SPTLC3: variants seen among roughly 807,000 people sequenced by gnomAD.
SPTLC3 encodes serine palmitoyltransferase long chain base subunit 3, also known as serine palmitoyltransferase 3.
In SPTLC3, 36 loss-of-function variants were observed where a neutral mutation model predicts 59.3. That is an observed-to-expected ratio of 0.61 (90% CI 0.47 to 0.80). The LOEUF is 0.80. SPTLC3 is among the 30% of genes least tolerant of loss of function. SPTLC3 has a pLI of 0.00. For missense variants in SPTLC3, 625 were observed against 685.1 expected (o/e 0.91, Z 0.98); for synonymous variants, 257 against 240.8 (o/e 1.07, Z -0.62).
intron 1 of SPTLC3, among the ~76,000 whole-genome samples, chr20:13,040,550 G>C (rs1986934622): frequency 6.6e-6 from 1 of 152,132 alleles, no homozygotes; most frequent in Non-Finnish European, 1.5e-5. Flanking sequence ...AGTAGAGACA[G>C]GGTTTCACCA....
chr20:13,086,759 C>T (rs1989018213), intron 4 of SPTLC3, among the ~76,000 whole-genome samples: 1 of 152,032 alleles, frequency 6.6e-6, no homozygotes, highest in Non-Finnish European at 1.5e-5. Context: ...TTTCTTCTCT[C>T]TTCCCTTGTT....
At chr20:13,074,318 A>T (rs1306239817) in intron 3 of SPTLC3, 31 bp from the exon 4 acceptor site, 1 of 1,610,138 alleles carries the variant, frequency 6.2e-7, no homozygotes, top group African/African-American at 1.3e-5. Flanking sequence ...TGGGGAGGGG[A>T]TTATGTGCTC....
intron 9 of SPTLC3, among the ~76,000 whole-genome samples, chr20:13,153,619 G>A (rs574468953): frequency 1.3e-5 from 2 of 152,260 alleles, no homozygotes; most frequent in Non-Finnish European, 1.5e-5. Flanking sequence ...CTGCTATGAA[G>A]TGTGGGGGGT....
In SPTLC3 at chr20:13,075,715, C is replaced by A. The variant is rs147989789; in HGVS notation, c.607+1218C>A. On this transcript the variant is annotated intron_variant, in intron 4 of 11. Coordinates refer to ENST00000399002, the MANE Select transcript of SPTLC3 (RefSeq NM_018327.4). ...AGATGGGGCAGAGACTGGAGGAGTA[C>A]CCCCAGCCATAAGGAGCACAGAGTC... 4.7e-3 allele frequency among the ~76,000 whole-genome samples: 709 copies of A among 152,188 alleles called. 4 individuals are homozygous for A. Among genetic ancestry groups the A allele is most frequent in the African/African-American group, 0.015 (632 of 41,528 alleles).
intron 10 of SPTLC3, among the ~76,000 whole-genome samples, chr20:13,157,850 A>G (rs1007829259): frequency 5.3e-5 from 8 of 152,228 alleles, no homozygotes; most frequent in Non-Finnish European, 1.2e-4. Flanking sequence ...CGTTAATTGT[A>G]TAAGCCACTG....
intron 1 of SPTLC3, among the ~76,000 whole-genome samples, chr20:13,032,176 A>G (rs1056183791): frequency 9.9e-5 from 15 of 152,220 alleles, no homozygotes; most frequent in African/African-American, 3.4e-4. Context: ...GAATAACTCA[A>G]TAAAAGCTCT....
chr20:13,091,372 A>G (rs558975085), intron 5 of SPTLC3, among the ~76,000 whole-genome samples, 165 bp downstream of exon 5: 2 of 152,202 alleles, frequency 1.3e-5, no homozygotes, highest in African/African-American at 2.4e-5. Flanking sequence ...CAAGAGACCT[A>G]GATCATCCTG....
At chr20:13,131,750 G>A (rs1389049607) in intron 9 of SPTLC3, among the ~76,000 whole-genome samples, 1 of 152,038 alleles carries the variant, frequency 6.6e-6, no homozygotes, top group Non-Finnish European at 1.5e-5. Flanking sequence ...GCCTTTTTAT[G>A]GCTTCTTCTC....
intron 1 of SPTLC3, among the ~76,000 whole-genome samples, chr20:13,022,421 T>C (rs532011625): frequency 4.6e-5 from 7 of 152,336 alleles, no homozygotes; most frequent in Admixed American, 1.3e-4. Flanking sequence ...GATTTTATTA[T>C]GCTTGTGGAT....
At chr20:13,088,286 G>C (rs887866275) in intron 4 of SPTLC3, among the ~76,000 whole-genome samples, 1 of 152,130 alleles carries the variant, frequency 6.6e-6, no homozygotes, top group African/African-American at 2.4e-5. Context: ...GAGTCAGATT[G>C]ACTACTAGAA....
At chr20:13,151,945 T>G (rs1415754244) in intron 9 of SPTLC3, among the ~76,000 whole-genome samples, 1 of 152,100 alleles carries the variant, frequency 6.6e-6, no homozygotes, top group Non-Finnish European at 1.5e-5. Flanking sequence ...CATGAGGCTG[T>G]CAAACACTTG....
Position 13,020,771 on chromosome 20 carries a change from G to T in SPTLC3, c.117+11387G>T, listed in dbSNP as rs182814469. 3.3e-3 allele frequency among the ~76,000 whole-genome samples: 497 copies of T among 152,178 alleles called. 4 individuals carry two copies. The highest frequency in any genetic ancestry group is 0.017 in the Middle Eastern group (5 of 294). ...TAGCTTTGATATCAGATGTAACTGG[G>T]TTTGAATCTCGGTTCTGCCACTTAC... On this transcript the variant is annotated intron_variant, in intron 1 of 11. Coordinates refer to ENST00000399002, the MANE Select transcript of SPTLC3 (RefSeq NM_018327.4).
intron 4 of SPTLC3, among the ~76,000 whole-genome samples, chr20:13,087,977 C>T (rs1403955602): frequency 6.6e-6 from 1 of 152,192 alleles, no homozygotes; most frequent in Non-Finnish European, 1.5e-5. Context: ...CCTAAAATGG[C>T]ATTTTTCTCA....
chr20:13,009,526 A>G, intron 1 of SPTLC3, 142 bp downstream of exon 1: 1 of 769,096 alleles, frequency 1.3e-6, no homozygotes. Context: ...CTGTTAATAG[A>G]AAGTGCTTGG....
chr20:13,012,201 TA>T (rs1464828150), intron 1 of SPTLC3, among the ~76,000 whole-genome samples: 1 of 152,118 alleles, frequency 6.6e-6, no homozygotes, highest in Non-Finnish European at 1.5e-5. Flanking sequence ...TTTCTTCTCT[TA>T]AACGAAACCT....
chr20:13,159,401 C>G (rs978490715), intron 10 of SPTLC3, among the ~76,000 whole-genome samples: 1 of 152,076 alleles, frequency 6.6e-6, no homozygotes, highest in South Asian at 2.1e-4. Flanking sequence ...ATCAGGAGAC[C>G]TTGCTATTTC....
chr20:13,123,147 A>G (rs746852264), intron 8 of SPTLC3, among the ~76,000 whole-genome samples: 2 of 152,100 alleles, frequency 1.3e-5, no homozygotes, highest in African/African-American at 2.4e-5. Flanking sequence ...CCTGGCCAAC[A>G]TGGTGAAACC....
chr20:13,152,014 AC>A (rs2038660427), intron 9 of SPTLC3, among the ~76,000 whole-genome samples: 1 of 152,156 alleles, frequency 6.6e-6, no homozygotes, highest in Non-Finnish European at 1.5e-5. Flanking sequence ...CATAATCCAA[AC>A]AGCTGGCAGA....
At chr20:13,131,888 A>G (rs1457498704) in intron 9 of SPTLC3, among the ~76,000 whole-genome samples, 1 of 152,024 alleles carries the variant, frequency 6.6e-6, no homozygotes, top group Non-Finnish European at 1.5e-5. Context: ...TGTGGTCTTC[A>G]CAGCTTCTCA....
Sources: gnomAD v4.1 joint callset for allele counts (sites outside exome capture counted in the v4.1 genomes callset) on GRCh38, gnomAD v4.1.1 for gene constraint, MANE v1.5 for transcripts, NCBI Gene and HGNC (gene_info 2026-07-23, HGNC 2026-07-21) for gene names.